RBFOX1: variants seen among roughly 807,000 people sequenced by gnomAD.
RBFOX1 encodes the protein RNA binding protein fox-1 homolog 1.
A neutral mutation model predicts 57.7 loss-of-function variants in RBFOX1; 8 were observed. The ratio of observed to expected loss-of-function variants is 0.14; its 90% confidence interval spans 0.08 to 0.25. The LOEUF is 0.25. Ranked by LOEUF, RBFOX1 falls within the 10% of genes least tolerant of loss-of-function variation. RBFOX1 has a pLI of 1.00. For synonymous variants in RBFOX1, 326 were observed against 222.4 expected (o/e 1.47, Z -4.15); for missense variants, 611 against 548.5 (o/e 1.11, Z -1.14).
chr16:6,647,168 G>A (rs1256769435), intron 2 of RBFOX1, among the ~76,000 whole-genome samples: 1 of 152,254 alleles, frequency 6.6e-6, no homozygotes, highest in East Asian at 1.9e-4. Context: ...CTGGGCTTAC[G>A]CTACCAGAGA....
At chr16:5,385,345 A>G (rs7202121) in intron 1 of RBFOX1, among the ~76,000 whole-genome samples, 11,987 of 152,230 alleles carry the variant, frequency 0.079, 1,449 homozygotes, top group African/African-American at 0.26. Flanking sequence ...TGTACTTGTA[A>G]TGTCCATTGT....
At chr16:7,108,015 A>G (rs1008801119) in intron 4 of RBFOX1, among the ~76,000 whole-genome samples, 2 of 144,958 alleles carry the variant, frequency 1.4e-5, no homozygotes, top group African/African-American at 5.0e-5. Context: ...ACAGTGACAT[A>G]AGATTGGGGG....
intron 2 of RBFOX1, among the ~76,000 whole-genome samples, chr16:5,534,963 T>C (rs1236123559): frequency 6.6e-6 from 1 of 152,166 alleles, no homozygotes; most frequent in Admixed American, 6.5e-5. Context: ...TCAGAAAATA[T>C]TTCCCAAAGG....
chr16:7,688,324 A>G (rs2076567571), intron 14 of RBFOX1, among the ~76,000 whole-genome samples: 1 of 151,714 alleles, frequency 6.6e-6, no homozygotes, highest in African/African-American at 2.4e-5. Flanking sequence ...GAATCTTGCT[A>G]TGAGTGATAT....
At chr16:6,980,315 A>G (rs2088387359) in intron 3 of RBFOX1, among the ~76,000 whole-genome samples, 1 of 152,208 alleles carries the variant, frequency 6.6e-6, no homozygotes, top group Admixed American at 6.5e-5. Flanking sequence ...TCCGTTAAAT[A>G]TTACCTATTC....
intron 1 of RBFOX1, among the ~76,000 whole-genome samples, chr16:5,252,640 C>T (rs1430018709): frequency 6.6e-6 from 1 of 152,196 alleles, no homozygotes; most frequent in Non-Finnish European, 1.5e-5. Context: ...CTGCCTGCTC[C>T]TGTCTTCTTC....
chr16:7,416,404 C>G (rs1471421757), intron 4 of RBFOX1, among the ~76,000 whole-genome samples: 3 of 152,152 alleles, frequency 2.0e-5, no homozygotes, highest in Non-Finnish European at 4.4e-5. Flanking sequence ...CTCATGCTTA[C>G]TGATATGATT....
At chr16:6,264,329 C>A (rs79868755) in intron 1 of RBFOX1, among the ~76,000 whole-genome samples, 2,616 of 152,256 alleles carry the variant, frequency 0.017, 74 homozygotes, top group African/African-American at 0.051. Context: ...TGACTTTCTC[C>A]CAGTGAAGTT....
At chr16:7,203,638 G>A (rs913045908) in intron 4 of RBFOX1, among the ~76,000 whole-genome samples, 3 of 152,226 alleles carry the variant, frequency 2.0e-5, no homozygotes, top group Non-Finnish European at 4.4e-5. Context: ...CTTTGTCCAT[G>A]CTTCTCACAG....
intron 1 of RBFOX1, among the ~76,000 whole-genome samples, chr16:6,282,288 T>G (rs2076456674): frequency 6.6e-6 from 1 of 151,918 alleles, no homozygotes; most frequent in South Asian, 2.1e-4. Flanking sequence ...TTTTGTCTCC[T>G]TTTCTGAACA....
chr16:5,704,915 C>T (rs952003846), intron 3 of RBFOX1, among the ~76,000 whole-genome samples: 5 of 152,034 alleles, frequency 3.3e-5, no homozygotes, highest in African/African-American at 1.2e-4. Flanking sequence ...ATTTAACTAC[C>T]CTCCTTCAAC....
At chr16:7,669,321 G>A (rs17144527) in intron 13 of RBFOX1, among the ~76,000 whole-genome samples, 1,960 of 152,238 alleles carry the variant, frequency 0.013, 44 homozygotes, top group African/African-American at 0.044. Context: ...AAAAAGTATA[G>A]CATTTGATCA....
chr16:7,593,433 C>T (rs1302079401), intron 7 of RBFOX1, among the ~76,000 whole-genome samples: 1 of 152,016 alleles, frequency 6.6e-6, no homozygotes, highest in Admixed American at 6.6e-5. Flanking sequence ...ATTTGCATAC[C>T]CAATATGGGC....
intron 2 of RBFOX1, among the ~76,000 whole-genome samples, chr16:6,395,247 C>T (rs568585886): frequency 6.6e-6 from 1 of 152,142 alleles, no homozygotes; most frequent in Non-Finnish European, 1.5e-5. Flanking sequence ...GACCATTAAA[C>T]GAATGCGTTT....
intron 4 of RBFOX1, among the ~76,000 whole-genome samples, chr16:7,221,903 G>A (rs2092759184): frequency 1.3e-5 from 2 of 152,200 alleles, no homozygotes; most frequent in Admixed American, 1.3e-4. Context: ...ATCTCTTCAT[G>A]TCCAACCACA....
chr16:7,639,664 A>G (rs903867152), intron 11 of RBFOX1, among the ~76,000 whole-genome samples: 2 of 152,168 alleles, frequency 1.3e-5, no homozygotes, highest in African/African-American at 4.8e-5. Flanking sequence ...TTGGGAAGTA[A>G]CACCCAACAG....
chr16:5,930,914 A>T (rs970358290), intron 4 of RBFOX1, among the ~76,000 whole-genome samples: 3 of 94,170 alleles, frequency 3.2e-5, no homozygotes, highest in Non-Finnish European at 5.9e-5. Flanking sequence ...GGATGGGTGC[A>T]TGGTTGGGTA....
intron 3 of RBFOX1, among the ~76,000 whole-genome samples, chr16:6,764,152 C>A (rs1380386452): frequency 6.6e-6 from 1 of 152,168 alleles, no homozygotes; most frequent in South Asian, 2.1e-4. Context: ...TGGGCATTCC[C>A]TAGTCCCCTT....
At chr16:6,041,743 A>G (rs1380800194) in intron 1 of RBFOX1, among the ~76,000 whole-genome samples, 1 of 152,212 alleles carries the variant, frequency 6.6e-6, no homozygotes, top group Non-Finnish European at 1.5e-5. Context: ...ATACATCAGA[A>G]GACATCAATG....
Sources: gnomAD v4.1 joint callset for allele counts (sites outside exome capture counted in the v4.1 genomes callset) on GRCh38, gnomAD v4.1.1 for gene constraint, MANE v1.5 for transcripts, NCBI Gene and HGNC (gene_info 2026-07-23, HGNC 2026-07-21) for gene names.